CAMTA1: variants seen among roughly 807,000 people sequenced by gnomAD.
The protein encoded by CAMTA1 is calmodulin-binding transcription activator 1.
Under a neutral mutation model 170.9 loss-of-function variants are expected in CAMTA1, and 27 were observed. That is an observed-to-expected ratio of 0.16 (90% CI 0.12 to 0.22). The LOEUF (loss-of-function observed/expected upper bound fraction) is 0.22, where lower values mean the gene tolerates loss of function less well. Ranked by LOEUF, CAMTA1 falls within the 10% of genes least tolerant of loss-of-function variation. The pLI, the probability that CAMTA1 is intolerant of heterozygous loss-of-function variation, is 1.00. For synonymous variants in CAMTA1, 833 were observed against 891.5 expected (o/e 0.93, Z 1.17); for missense variants, 1,619 against 2,217.2 (o/e 0.73, Z 5.42).
At chr1:6,907,006 CTCTCGCAGGAAG>C (rs1678656191) in intron 3 of CAMTA1, among the ~76,000 whole-genome samples, 1 of 152,164 alleles carries the variant, frequency 6.6e-6, no homozygotes, top group Non-Finnish European at 1.5e-5. Flanking sequence ...GGCCTTTGTT[CTCTCGCAGGAAG>C]TCTCGGGTCT....
chr1:6,898,275 C>T (rs962375567), intron 3 of CAMTA1, among the ~76,000 whole-genome samples: 9 of 152,072 alleles, frequency 5.9e-5, no homozygotes, highest in East Asian at 1.9e-4. Flanking sequence ...AATTCTGGGC[C>T]GGGCACGGTG....
At chr1:7,469,543 C>T (rs534732699) in intron 6 of CAMTA1, among the ~76,000 whole-genome samples, 10 of 152,322 alleles carry the variant, frequency 6.6e-5, no homozygotes, top group African/African-American at 2.2e-4. Context: ...CTGGTTTCTG[C>T]CCTTTTCCTT....
chr1:6,981,388 C>A (rs1694415416), intron 3 of CAMTA1, among the ~76,000 whole-genome samples: 1 of 152,140 alleles, frequency 6.6e-6, no homozygotes, highest in Non-Finnish European at 1.5e-5. Context: ...TTTTACATAG[C>A]AGAATTTCTT....
chr1:7,613,934 G>A (rs887595221), intron 6 of CAMTA1, among the ~76,000 whole-genome samples: 2 of 148,480 alleles, frequency 1.3e-5, no homozygotes, highest in Admixed American at 1.3e-4. Flanking sequence ...GATGGTGGGG[G>A]GGCAGGTCAG....
At chr1:7,640,932 G>A (rs932122174) in intron 7 of CAMTA1, among the ~76,000 whole-genome samples, 26 of 152,298 alleles carry the variant, frequency 1.7e-4, no homozygotes, top group African/African-American at 6.3e-4. Context: ...AGCGGACCCT[G>A]CCTCCTGCCT....
intron 3 of CAMTA1, among the ~76,000 whole-genome samples, chr1:6,923,729 C>T (rs1682505725): frequency 6.6e-6 from 1 of 152,138 alleles, no homozygotes; most frequent in South Asian, 2.1e-4. Context: ...TAGATCCTCT[C>T]CTTCTTTCAT....
chr1:7,598,028 G>T (rs1416992466), intron 6 of CAMTA1, among the ~76,000 whole-genome samples: 1 of 151,244 alleles, frequency 6.6e-6, no homozygotes, highest in Non-Finnish European at 1.5e-5. Context: ...TTGGTGTGCT[G>T]CACCCATTAA....
chr1:6,967,198 G>A (rs1402352495), intron 3 of CAMTA1, among the ~76,000 whole-genome samples: 2 of 151,930 alleles, frequency 1.3e-5, no homozygotes, highest in African/African-American at 2.4e-5. Flanking sequence ...CCGAGACTGT[G>A]CCACTGCACT....
chr1:7,141,164 T>C (rs1256764547), intron 4 of CAMTA1, among the ~76,000 whole-genome samples: 1 of 152,188 alleles, frequency 6.6e-6, no homozygotes, highest in Non-Finnish European at 1.5e-5. Flanking sequence ...GGTCATACCT[T>C]CTAACCTCTT....
intron 7 of CAMTA1, among the ~76,000 whole-genome samples, chr1:7,640,779 A>T (rs2095754384): frequency 6.6e-6 from 1 of 152,208 alleles, no homozygotes; most frequent in South Asian, 2.1e-4. Flanking sequence ...CACGTGACAG[A>T]TGAAAAGAGT....
intron 6 of CAMTA1, among the ~76,000 whole-genome samples, chr1:7,471,740 G>A (rs1284188462): frequency 2.0e-5 from 3 of 152,234 alleles, no homozygotes; most frequent in South Asian, 2.1e-4. Flanking sequence ...GGTAGAGGAG[G>A]CATGAAGGGG....
At chr1:7,508,710 GA>G (rs965226497) in intron 6 of CAMTA1, among the ~76,000 whole-genome samples, 1 of 150,284 alleles carries the variant, frequency 6.7e-6, no homozygotes, top group Non-Finnish European at 1.5e-5. Context: ...AGGAGGTTAG[GA>G]AGGTTGGAAG....
At chr1:6,998,462 T>A (rs1231266232) in intron 3 of CAMTA1, among the ~76,000 whole-genome samples, 3 of 152,198 alleles carry the variant, frequency 2.0e-5, no homozygotes, top group Non-Finnish European at 4.4e-5. Context: ...GCGTCACATG[T>A]CCCTCTGCCA....
At chr1:7,603,346 G>C (rs1021442854) in intron 6 of CAMTA1, among the ~76,000 whole-genome samples, 1 of 152,012 alleles carries the variant, frequency 6.6e-6, no homozygotes, top group African/African-American at 2.4e-5. Flanking sequence ...CTAAGGACTT[G>C]CTTTATGAAT....
At chr1:6,791,571 G>A (rs927962339) in intron 1 of CAMTA1, among the ~76,000 whole-genome samples, 4 of 152,136 alleles carry the variant, frequency 2.6e-5, no homozygotes, top group African/African-American at 9.7e-5. Context: ...TTCATTTGGA[G>A]CCTTCATTTA....
chr1:7,736,330 C>T lies in CAMTA1; in HGVS notation c.3067-14C>T. 1 of 1,612,472 alleles carries T rather than the reference C, an allele frequency of 6.2e-7. No homozygotes were observed. Among genetic ancestry groups the T allele is most frequent in the South Asian group, 1.1e-5 (1 of 90,872 alleles). ...TTTAGTCCTGAGGTCGTAACGTGCG[C>T]TTTTTTGTGACAGTGTGCTTCTGGG... is the stretch of plus-strand genomic sequence containing the variant. On this transcript the variant is annotated splice_polypyrimidine_tract_variant and intron_variant, in intron 12 of 22. Transcript: ENST00000303635. The surrounding 1 kb of genome is among the most constrained non-coding windows in gnomAD (Gnocchi z 4.5).
chr1:7,527,113 C>T (rs1046150717), intron 6 of CAMTA1, among the ~76,000 whole-genome samples: 1 of 152,222 alleles, frequency 6.6e-6, no homozygotes, highest in Non-Finnish European at 1.5e-5. Flanking sequence ...CCTGACTGTG[C>T]ATCCTGAGAA....
At chr1:7,148,551 A>G (rs1025886131) in intron 4 of CAMTA1, among the ~76,000 whole-genome samples, 12 of 152,036 alleles carry the variant, frequency 7.9e-5, no homozygotes, top group South Asian at 6.2e-4. Flanking sequence ...GTCTTTACCT[A>G]TGGGGGGAGT....
intron 5 of CAMTA1, among the ~76,000 whole-genome samples, chr1:7,418,514 A>T (rs2091348008): frequency 6.6e-6 from 1 of 152,062 alleles, no homozygotes. Flanking sequence ...ACACTTCCTG[A>T]TGACCTCCTC....
Sources: allele counts gnomAD v4.1 joint callset (sites outside exome capture counted in the v4.1 genomes callset), GRCh38; gene constraint gnomAD v4.1.1; non-coding constraint Gnocchi (gnomAD v3.1); transcripts MANE v1.5; gene names NCBI Gene and HGNC (gene_info 2026-07-23, HGNC 2026-07-21).